DOCK6: variants seen among roughly 807,000 people sequenced by gnomAD.
DOCK6 encodes dedicator of cytokinesis protein 6.
DOCK6 carries 167 observed loss-of-function variants against 230.3 expected under a neutral mutation model. That is an observed-to-expected ratio of 0.73 (90% CI 0.64 to 0.82). DOCK6 has a LOEUF of 0.82. Among genes scored for constraint, DOCK6 ranks in the 40% least tolerant of loss-of-function variants. DOCK6 has a pLI of 0.00. For missense variants in DOCK6, 2,598 were observed against 2,825.8 expected (o/e 0.92, Z 1.83); for synonymous variants, 1,148 against 1,185.0 (o/e 0.97, Z 0.64).
At position 11,243,775 on chromosome 19, in the gene DOCK6, C is replaced by A. The variant is rs1394083239; in HGVS notation, c.1104+27G>T. 1.2e-6 allele frequency: 2 copies of A among 1,613,122 alleles called. No individual in the cohort carries two copies. Among genetic ancestry groups the A allele is most frequent in the African/African-American group, 2.7e-5 (2 of 74,930 alleles). On this transcript the variant is annotated intron_variant, in intron 10 of 47. Transcript: ENST00000294618. The surrounding 1 kb of genome is among the most constrained non-coding windows in gnomAD (Gnocchi z 6.3). ...GCCCTGCTGAGTCAGGGATCTGTTGCCCCTAGTCCAGCCTCCACACGCTTA... is the reference window on the plus strand; with the variant it reads ...GCCCTGCTGAGTCAGGGATCTGTTGACCCTAGTCCAGCCTCCACACGCTTA...
At chr19:11,234,086 A>G (rs1022768197) in intron 21 of DOCK6, among the ~76,000 whole-genome samples, 3 of 151,480 alleles carry the variant, frequency 2.0e-5, no homozygotes, top group Non-Finnish European at 2.9e-5. Context: ...TGCAACCTCC[A>G]TCTCCTGGGT....
intron 28 of DOCK6, among the ~76,000 whole-genome samples, chr19:11,218,195 G>A (rs1466839775): frequency 3.9e-5 from 6 of 151,968 alleles, no homozygotes; most frequent in Non-Finnish European, 8.8e-5. Context: ...CACATAAGCT[G>A]GAGTACAGTG....
Position 11,200,988 on chromosome 19 carries a change from A to C in DOCK6, c.5753T>G (p.Phe1918Cys). 6.2e-7 allele frequency: 1 copy of C among 1,613,824 alleles called. No homozygotes were observed. Among genetic ancestry groups the C allele is most frequent in the Non-Finnish European group, 8.5e-7 (1 of 1,179,860 alleles). The change falls in exon 45 of 48, where the codon TTT becomes TGT. Residue 1918 changes from phenylalanine (F) to cysteine (C), a missense_variant. Physicochemically the swap from Phe to Cys is radical, Grantham distance 205 (BLOSUM62 -2). Transcript: ENST00000294618. This position sits in a 1 kb window ranked among gnomAD's most constrained non-coding sequence, Gnocchi z 4.3. The part of the protein sequence containing the change: ...DMQKKTRELA[F>C]ATEQDPPDAK... The stretch of plus-strand genomic sequence containing the variant: ...ATCTGGTGGGTCCTGCTCGGTGGCA[A>C]AGGCCAGCTCCCGTGTCTTCTTCTG...
chr19:11,208,773 G>A lies in DOCK6; in HGVS notation c.5001C>T (p.Pro1667=), dbSNP rs201362444. ...ESAISDDILS[P]DEEGFCSGKH... is the part of the protein sequence containing the mutation. ...TCCCGGAGCAGAAGCCCTCCTCGTC[G>A]GGCGACAGGATGTCGTCGGAGATGG... The change falls in exon 39 of 48, where the codon CCC becomes CCT. Residue 1667 remains proline, a synonymous_variant. Coordinates refer to ENST00000294618, the MANE Select transcript of DOCK6 (RefSeq NM_020812.4). 55 of 1,613,670 alleles carry A rather than the reference G, an allele frequency of 3.4e-5. 1 individual carries two copies. Among genetic ancestry groups the A allele is most frequent in the East Asian group, 3.3e-4 (15 of 44,864 alleles).
At chr19:11,211,717 T>C (rs1412396727) in intron 37 of DOCK6, 59 bp downstream of exon 37, 2 of 1,341,420 alleles carry the variant, frequency 1.5e-6, no homozygotes, top group African/African-American at 2.9e-5. Flanking sequence ...CTCATCCCTG[T>C]TCTCCCTGCA....
intron 39 of DOCK6, among the ~76,000 whole-genome samples, chr19:11,207,761 C>G (rs1420099608): frequency 6.6e-6 from 1 of 151,494 alleles, no homozygotes; most frequent in Non-Finnish European, 1.5e-5. Flanking sequence ...AACCCCGTCT[C>G]TACAAAAAAA....
chr19:11,204,195 C>T lies in DOCK6; in HGVS notation c.5220+5G>A, dbSNP rs971227693. The T allele has an allele frequency of 6.4e-7, 1 of 1,551,142 alleles. No homozygotes were observed. Among genetic ancestry groups the T allele is most frequent in the African/African-American group, 1.4e-5 (1 of 73,108 alleles). ...TGGGGTCTGGGGAGGGGGTCCTGGGCCCACCTGGTGCATGATCTTGGTGAA... is the reference window on the plus strand; with the variant it reads ...TGGGGTCTGGGGAGGGGGTCCTGGGTCCACCTGGTGCATGATCTTGGTGAA... On this transcript the variant is annotated splice_donor_5th_base_variant and intron_variant, in intron 40 of 47. Coordinates refer to ENST00000294618, the MANE Select transcript of DOCK6 (RefSeq NM_020812.4).
chr19:11,219,522 G>A (rs1354310938), intron 28 of DOCK6, among the ~76,000 whole-genome samples: 2 of 151,676 alleles, frequency 1.3e-5, no homozygotes, highest in East Asian at 4.0e-4. Context: ...GGGCGTGGTG[G>A]CTCACGCCTG....
chr19:11,247,896 G>A lies in DOCK6; in HGVS notation c.806+170C>T, dbSNP rs867360735. On this transcript the variant is annotated intron_variant, in intron 7 of 47. Transcript: ENST00000294618. ...ATTGGCACTTAAGGATTGGAGACTCGGGATAATGAAAAAGGAAGTCTTCCT... is the reference window on the plus strand; with the variant it reads ...ATTGGCACTTAAGGATTGGAGACTCAGGATAATGAAAAAGGAAGTCTTCCT... The A allele has an allele frequency of 8.9e-5, 54 of 604,292 alleles. No homozygotes were observed. The South Asian group carries it at 1.0e-3, about 11-fold the overall frequency. The allele number at this position is 604,292 out of a possible 1,614,324, so 37.4% of individuals were successfully genotyped here. A position where few individuals can be genotyped will look rare whatever the true frequency, so the allele number is the denominator to read the frequency against.
At position 11,235,659 on chromosome 19, in the gene DOCK6, C is replaced by G; in HGVS notation, c.2493G>C (p.Gln831His). 6.2e-7 allele frequency: 1 copy of G among 1,603,496 alleles called. No individual in the cohort carries two copies. The highest frequency in any genetic ancestry group is 8.5e-7 in the Non-Finnish European group (1 of 1,175,406). ...AGGCGTAGTGGACGTAGGCAGCCAG[C>G]TGTGGGCAGTGACCGCGGGCATCCT... ...AAQDARGHCP[Q>H]LAAYVHYAFR... Residue 831 changes from glutamine (Q) to histidine (H), a missense_variant, in exon 21 of 48, where the codon CAG becomes CAC. Gln to His is a conservative substitution (Grantham distance 24). Coordinates refer to ENST00000294618, the MANE Select transcript of DOCK6 (RefSeq NM_020812.4).
rs1160461533 is a variant in DOCK6 at position 11,241,370 on chromosome 19, A to G, written c.1643+675T>C. ...CTTGCTGGGTCACACAGATACAATG[A>G]GGGGCTGGGGCAGAGGGTCAGGGGA... On this transcript the variant is annotated intron_variant, in intron 14 of 47. Coordinates refer to ENST00000294618, the MANE Select transcript of DOCK6 (RefSeq NM_020812.4). The G allele has an allele frequency of 1.3e-5, 12 of 912,384 alleles. No individual in the cohort carries two copies. In the Admixed American group the frequency reaches 2.1e-4, roughly 16 times the overall value. 56.5% of individuals were successfully genotyped at this position (912,384 alleles called of 1,614,324 possible).
Position 11,200,992 on chromosome 19 carries a change from C to G in DOCK6, c.5749G>C (p.Ala1917Pro). 1.2e-6 allele frequency: 2 copies of G among 1,613,938 alleles called. No individual in the cohort carries two copies. Among genetic ancestry groups the G allele is most frequent in the Non-Finnish European group, 1.7e-6 (2 of 1,179,868 alleles). Residue 1917 changes from alanine (A) to proline (P), a missense_variant, in exon 45 of 48, where the codon GCC becomes CCC. By Grantham distance (27) the Ala-to-Pro change is conservative. Transcript: ENST00000294618. This position sits in a 1 kb window ranked among gnomAD's most constrained non-coding sequence, Gnocchi z 4.3. ...GGTGGGTCCTGCTCGGTGGCAAAGG[C>G]CAGCTCCCGTGTCTTCTTCTGCATG... ...EDMQKKTREL[A>P]FATEQDPPDA...
intron 22 of DOCK6, among the ~76,000 whole-genome samples, chr19:11,232,894 C>A (rs989584042): frequency 6.6e-6 from 1 of 151,940 alleles, no homozygotes; most frequent in Non-Finnish European, 1.5e-5. Flanking sequence ...TGTATATGCA[C>A]CTGTGTAGGT....
rs1029088946 is a variant in DOCK6 at position 11,200,579 on chromosome 19, A to G, written c.5940-110T>C. 3 of 1,518,038 alleles carry G rather than the reference A, an allele frequency of 2.0e-6. No homozygotes were observed. The highest frequency in any genetic ancestry group is 2.7e-6 in the Non-Finnish European group (3 of 1,125,878). The allele number at this position is 1,518,038 out of a possible 1,614,324, so 94.0% of individuals were successfully genotyped here. A position where few individuals can be genotyped will look rare whatever the true frequency, so the allele number is the denominator to read the frequency against. ...GACCAGGCCTGCAGAAAGACCCGCA[A>G]TAGGAGGTCAGGTTGGGAGAGTGGA... is the stretch of plus-strand genomic sequence containing the variant. On this transcript the variant is annotated intron_variant, in intron 46 of 47. Coordinates refer to ENST00000294618, the MANE Select transcript of DOCK6 (RefSeq NM_020812.4). This position sits in a 1 kb window ranked among gnomAD's most constrained non-coding sequence, Gnocchi z 4.3.
intron 23 of DOCK6, among the ~76,000 whole-genome samples, chr19:11,228,554 TTCTC>T (rs1219912747): frequency 2.7e-5 from 4 of 145,534 alleles, no homozygotes; most frequent in Non-Finnish European, 4.6e-5. Context: ...TTCAGGGGGC[TTCTC>T]TCTTTTTTTT....
chr19:11,251,057 C>T lies in DOCK6; in HGVS notation c.537G>A (p.Pro179=), dbSNP rs754546664. 1.2e-5 allele frequency: 20 copies of T among 1,612,274 alleles called. No homozygotes were observed. The highest frequency in any genetic ancestry group is 3.3e-5 in the South Asian group (3 of 90,802). ...CACCACTGCTTCGAGGGGTGTCTTC[C>T]GGGGAGCCCGAGCCACGCCGGGAGT... ...SNDSRRGSGS[P]EDTPRSSGAS... Residue 179 remains proline (P), a synonymous_variant, in exon 6 of 48, where the codon CCG becomes CCA. Transcript: ENST00000294618.
intron 30 of DOCK6, 98 bp downstream of exon 30, chr19:11,216,816 A>G: frequency 1.6e-6 from 2 of 1,261,802 alleles, no homozygotes; most frequent in Non-Finnish European, 2.3e-6. Context: ...CTCTGCACAA[A>G]GACAGTCCAC....
chr19:11,214,528 A>G, intron 33 of DOCK6, 25 bp downstream of exon 33: 10 of 1,613,806 alleles, frequency 6.2e-6, no homozygotes, highest in Non-Finnish European at 8.5e-6. Context: ...TCAGAGCACA[A>G]GGCAGATGCT....
chr19:11,241,376 T>C, intron 14 of DOCK6: 1 of 983,804 alleles, frequency 1.0e-6, no homozygotes, highest in Non-Finnish European at 1.6e-6. Flanking sequence ...AATGAGGGGC[T>C]GGGGCAGAGG....
Sources: allele counts gnomAD v4.1 joint callset (sites outside exome capture counted in the v4.1 genomes callset), GRCh38; gene constraint gnomAD v4.1.1; non-coding constraint Gnocchi (gnomAD v3.1); transcripts MANE v1.5; gene names NCBI Gene and HGNC (gene_info 2026-07-23, HGNC 2026-07-21).